RIT2: variants seen among roughly 807,000 people sequenced by gnomAD.
The protein encoded by RIT2 is Ras like without CAAX 2.
RIT2 carries 24 observed loss-of-function variants against 23.7 expected under a neutral mutation model. That is an observed-to-expected ratio of 1.01 (90% CI 0.73 to 1.43). The LOEUF (loss-of-function observed/expected upper bound fraction) is 1.43, where lower values mean the gene tolerates loss of function less well. Among genes scored for constraint, RIT2 ranks in the 40% most tolerant of loss-of-function variants. The pLI is 0.00. For missense variants in RIT2, 236 were observed against 266.9 expected (o/e 0.88, Z 0.81); for synonymous variants, 107 against 91.1 (o/e 1.17, Z -0.99).
chr18:42,788,302 A>C (rs2143942122), intron 4 of RIT2, among the ~76,000 whole-genome samples: 1 of 152,254 alleles, frequency 6.6e-6, no homozygotes, highest in Middle Eastern at 3.4e-3. Context: ...GGAGAGGGAA[A>C]AGTATTTTAA....
intron 1 of RIT2, among the ~76,000 whole-genome samples, chr18:43,096,453 A>G (rs1031465547): frequency 1.3e-5 from 2 of 152,002 alleles, no homozygotes; most frequent in East Asian, 1.9e-4. Flanking sequence ...TATTTTTAAC[A>G]TGGAAAATTT....
chr18:43,084,058 T>C (rs909978055), intron 1 of RIT2, among the ~76,000 whole-genome samples: 3 of 151,792 alleles, frequency 2.0e-5, no homozygotes, highest in African/African-American at 7.3e-5. Context: ...AACAACCCCA[T>C]CAAAAAGTGG....
intron 2 of RIT2, among the ~76,000 whole-genome samples, chr18:43,001,743 C>G (rs1040950704): frequency 6.6e-6 from 1 of 151,954 alleles, no homozygotes; most frequent in African/African-American, 2.4e-5. Context: ...TTTCTCTTTA[C>G]GTTATTAACC....
intron 1 of RIT2, among the ~76,000 whole-genome samples, chr18:43,103,648 C>G (rs753946244): frequency 7.9e-5 from 12 of 152,000 alleles, no homozygotes; most frequent in Admixed American, 1.3e-4. Flanking sequence ...TCAAATCGAA[C>G]AAATTGAGGG....
chr18:43,006,770 G>A (rs1302181870), intron 2 of RIT2, among the ~76,000 whole-genome samples: 1 of 151,498 alleles, frequency 6.6e-6, no homozygotes, highest in Non-Finnish European at 1.5e-5. Context: ...CAAAGCTAGA[G>A]AAGACAGCAA....
chr18:42,757,517 A>G (rs911345532), intron 4 of RIT2, among the ~76,000 whole-genome samples: 1 of 152,220 alleles, frequency 6.6e-6, no homozygotes, highest in Non-Finnish European at 1.5e-5. Context: ...ATGAACTAGA[A>G]CAAAATAAAT....
chr18:43,088,341 C>T (rs2144356705), intron 1 of RIT2, among the ~76,000 whole-genome samples: 1 of 152,218 alleles, frequency 6.6e-6, no homozygotes, highest in East Asian at 1.9e-4. Context: ...TCTAATATTT[C>T]TAATACATTG....
At chr18:42,960,280 G>A (rs571914292) in intron 3 of RIT2, among the ~76,000 whole-genome samples, 14 of 152,082 alleles carry the variant, frequency 9.2e-5, no homozygotes, top group Non-Finnish European at 2.1e-4. Context: ...ATTCTTTGAG[G>A]ATTGAGGTCC....
At chr18:42,997,379 G>C (rs1406818775) in intron 2 of RIT2, among the ~76,000 whole-genome samples, 1 of 149,826 alleles carries the variant, frequency 6.7e-6, no homozygotes, top group African/African-American at 2.5e-5. Flanking sequence ...AGAAACCAAG[G>C]AAAGAGAGGT....
intron 1 of RIT2, among the ~76,000 whole-genome samples, chr18:43,082,207 G>A (rs1913173501): frequency 6.6e-6 from 1 of 152,082 alleles, no homozygotes; most frequent in Non-Finnish European, 1.5e-5. Flanking sequence ...ATTCTGTAAT[G>A]TAGTTTTTAT....
At chr18:43,029,407 T>C (rs182094543) in intron 2 of RIT2, among the ~76,000 whole-genome samples, 262 of 152,124 alleles carry the variant, frequency 1.7e-3, no homozygotes, top group African/African-American at 5.8e-3. Flanking sequence ...GCAAATGAGA[T>C]AATAAAATAA....
At chr18:42,944,379 A>G (rs1300355209) in intron 3 of RIT2, among the ~76,000 whole-genome samples, 1 of 152,058 alleles carries the variant, frequency 6.6e-6, no homozygotes, top group Non-Finnish European at 1.5e-5. Flanking sequence ...CTCCCCCACT[A>G]CAATGTAAGC....
At chr18:42,868,667 A>G (rs1203974992) in intron 4 of RIT2, among the ~76,000 whole-genome samples, 1 of 152,232 alleles carries the variant, frequency 6.6e-6, no homozygotes, top group Non-Finnish European at 1.5e-5. Context: ...GAGACTCATG[A>G]AGAAATGGTG....
chr18:42,906,417 T>C (rs1908623191), intron 4 of RIT2, among the ~76,000 whole-genome samples: 1 of 152,208 alleles, frequency 6.6e-6, no homozygotes, highest in Non-Finnish European at 1.5e-5. Context: ...TTTATTACTA[T>C]GTGGTTTTCT....
At chr18:42,850,060 A>C (rs1048888151) in intron 4 of RIT2, among the ~76,000 whole-genome samples, 1 of 147,966 alleles carries the variant, frequency 6.8e-6, no homozygotes, top group Admixed American at 7.0e-5. Context: ...ATTTTAATTT[A>C]AGAAAAAAAT....
At chr18:42,937,451 A>G (rs2144153315) in intron 3 of RIT2, among the ~76,000 whole-genome samples, 1 of 152,314 alleles carries the variant, frequency 6.6e-6, no homozygotes, top group Middle Eastern at 3.4e-3. Flanking sequence ...CTTGAACCTC[A>G]GAGGTACAGC....
intron 4 of RIT2, among the ~76,000 whole-genome samples, chr18:42,852,673 T>G (rs1382936760): frequency 6.6e-6 from 1 of 152,138 alleles, no homozygotes; most frequent in Non-Finnish European, 1.5e-5. Context: ...TTGTCACCTC[T>G]GCCTTTATAG....
At chr18:42,909,119 C>A (rs1020449300) in intron 4 of RIT2, among the ~76,000 whole-genome samples, 3 of 152,108 alleles carry the variant, frequency 2.0e-5, no homozygotes, top group Admixed American at 1.3e-4. Flanking sequence ...TGTACATGTA[C>A]ACCATGGTAT....
At chr18:42,869,311 C>G (rs1328828110) in intron 4 of RIT2, among the ~76,000 whole-genome samples, 2 of 152,214 alleles carry the variant, frequency 1.3e-5, no homozygotes, top group Non-Finnish European at 2.9e-5. Context: ...AATGCTGCAG[C>G]TAATCTGATA....
Sources: gnomAD v4.1 joint callset for allele counts (sites outside exome capture counted in the v4.1 genomes callset) on GRCh38, gnomAD v4.1.1 for gene constraint, MANE v1.5 for transcripts, NCBI Gene and HGNC (gene_info 2026-07-23, HGNC 2026-07-21) for gene names.